Variants in ABCA4 observed in about 807,000 individuals in gnomAD.
The protein encoded by ABCA4 is retinal-specific phospholipid-transporting ATPase ABCA4.
In ABCA4, 196 loss-of-function variants were observed where a neutral mutation model predicts 263.7. The ratio of observed to expected loss-of-function variants is 0.74; its 90% CI spans 0.66 to 0.84. ABCA4 has a LOEUF of 0.84. ABCA4 is among the 40% of genes least tolerant of loss of function. The probability of loss-of-function intolerance (pLI) is 0.00; values close to 1 mark genes in which losing one functional copy is unlikely to be tolerated. For synonymous variants in ABCA4, 1,133 were observed against 1,094.2 expected, an observed-to-expected ratio of 1.04 and a Z score of -0.70; for missense variants, 2,792 against 2,855.1, an observed-to-expected ratio of 0.98 and a Z score of 0.50.
rs150015514 is a variant in ABCA4, at chr1:94,106,818, T to C, written c.442+1759A>G. Among the ~76,000 whole-genome samples the C allele has an allele frequency of 6.7e-3, 1,026 of 152,154 alleles. 12 individuals are homozygous for C. Among genetic ancestry groups the C allele is most frequent in the African/African-American group, 0.024 (976 of 41,488 alleles). On this transcript the variant is annotated intron_variant, in intron 4 of 49. Transcript: ENST00000370225. Reference sequence around the variant, plus strand: ...GAGGATCAGATTCTCCTCGGAGAAGTTTCCCCTGTTGACTCTCCTGTGCTC... The same window carrying C: ...GAGGATCAGATTCTCCTCGGAGAAGCTTCCCCTGTTGACTCTCCTGTGCTC...
intron 38 of ABCA4, among the ~76,000 whole-genome samples, chr1:94,013,065 A>C (rs146619625): frequency 1.3e-5 from 2 of 152,262 alleles, no homozygotes; most frequent in African/African-American, 4.8e-5. Context: ...CAGAGGGGAA[A>C]ATGTTCTGAG....
At chr1:94,095,450 T>C (rs1253214080) in intron 6 of ABCA4, among the ~76,000 whole-genome samples, 1 of 152,080 alleles carries the variant, frequency 6.6e-6, no homozygotes, top group Non-Finnish European at 1.5e-5. Context: ...TAAAACCTTA[T>C]TTATACACTG....
chr1:94,048,973 G>T lies in ABCA4; in HGVS notation c.2654-16C>A. 6.2e-7 allele frequency: 1 copy of T among 1,613,010 alleles called. No individual in the cohort carries two copies. The highest frequency in any genetic ancestry group is 8.5e-7 in the Non-Finnish European group (1 of 1,179,162). ...GTTGAACACCCTGCACCAATCAGAA[G>T]CCAGTGTTACTCTACCACCGGGAGC... On this transcript the variant is annotated splice_polypyrimidine_tract_variant and intron_variant, in intron 17 of 49. Coordinates refer to ENST00000370225, the MANE Select transcript of ABCA4 (RefSeq NM_000350.3).
In ABCA4 at chr1:94,055,463, T is replaced by G. The variant is rs1467219262; in HGVS notation, c.2383-148A>C. ...GGTCAGCTCAGGAGGGTGAAGGCAG[T>G]CTTTCCCTTGACGGCCAGGGGGAGT... On this transcript the variant is annotated intron_variant, in intron 15 of 49. Coordinates refer to ENST00000370225, the MANE Select transcript of ABCA4 (RefSeq NM_000350.3). The G allele has an allele frequency of 6.9e-6, 5 of 727,326 alleles. No individual in the cohort carries two copies. In the Admixed American group the frequency reaches 1.2e-4, roughly 17 times the overall value. The allele number at this position is 727,326 out of a possible 1,614,324, so 45.1% of individuals were successfully genotyped here. A position where few individuals can be genotyped will look rare whatever the true frequency, so the allele number is the denominator to read the frequency against.
rs1245239494 is a variant in ABCA4, at chr1:94,031,877, C to G, written c.4029G>C (p.Gln1343His). The G allele has an allele frequency of 6.2e-7, 1 of 1,614,096 alleles. No individual in the cohort carries two copies. The highest frequency in any genetic ancestry group is 1.1e-5 in the South Asian group (1 of 91,088). The part of the protein sequence containing the change: ...PPPEPECPGP[Q>H]LNTGTQLVLQ... ...GGACCAGCTGTGTCCCCGTGTTGAG[C>G]TGCGGGCCTGGGCACTCTGGCTCTG... Residue 1343 changes from glutamine (Q) to histidine (H), a missense_variant, in exon 27 of 50, where the codon CAG (glutamine) becomes CAC (histidine). By Grantham distance (24) the Gln-to-His change is conservative (BLOSUM62 0). Coordinates refer to ENST00000370225, the MANE Select transcript of ABCA4 (RefSeq NM_000350.3).
At chr1:94,118,203 G>A (rs903850151) in intron 1 of ABCA4, among the ~76,000 whole-genome samples, 5 of 152,094 alleles carry the variant, frequency 3.3e-5, no homozygotes, top group Admixed American at 1.3e-4. Context: ...GGAACTGTTC[G>A]GAGAGTTCAG....
At chr1:94,056,490 T>C in intron 15 of ABCA4, 111 bp downstream of exon 15, 1 of 1,207,436 alleles carries the variant, frequency 8.3e-7, no homozygotes, top group Non-Finnish European at 1.2e-6. Flanking sequence ...TTTTTAACCT[T>C]AGGTCAAAGG....
At position 94,099,421 on chromosome 1, in the gene ABCA4, T is replaced by C. The variant is rs145664532; in HGVS notation, c.571-430A>G. ...CTTTCAGACTTGTGACCTCCAGAAC[T>C]GTAAGATAATGCATCTGTGTTGTTT... On this transcript the variant is annotated intron_variant, in intron 5 of 49. Transcript: ENST00000370225. Among the ~76,000 whole-genome samples the C allele has an allele frequency of 3.0e-4, 45 of 152,350 alleles. 1 individual carries two copies. Among genetic ancestry groups the C allele is most frequent in the Middle Eastern group, 3.4e-3 (1 of 294 alleles).
intron 47 of ABCA4, among the ~76,000 whole-genome samples, chr1:93,998,590 G>A (rs1383420756): frequency 6.6e-6 from 1 of 152,116 alleles, no homozygotes; most frequent in African/African-American, 2.4e-5. Flanking sequence ...AACTAGGAGA[G>A]AAAAACCATG....
At chr1:94,102,888 A>G in intron 5 of ABCA4, 127 bp downstream of exon 5, 1 of 1,350,560 alleles carries the variant, frequency 7.4e-7, no homozygotes, top group South Asian at 1.2e-5. Context: ...AATACAAGGC[A>G]TTAAGTGATG....
At chr1:94,052,429 C>A (rs967209750) in intron 16 of ABCA4, among the ~76,000 whole-genome samples, 19 of 152,144 alleles carry the variant, frequency 1.2e-4, no homozygotes, top group African/African-American at 4.3e-4. Flanking sequence ...GCCTTTGCTG[C>A]CACTGGACTG....
chr1:94,099,005 A>G lies in ABCA4; in HGVS notation c.571-14T>C, dbSNP rs1409635034. On this transcript the variant is annotated splice_polypyrimidine_tract_variant and intron_variant, in intron 5 of 49. Coordinates refer to ENST00000370225, the MANE Select transcript of ABCA4 (RefSeq NM_000350.3). Reference sequence around the variant, plus strand: ...TCCATGAGCGAACTGCAGGGAGAAGAGGCAACACTAGAAACTGCCCTGTGG... The same window carrying G: ...TCCATGAGCGAACTGCAGGGAGAAGGGGCAACACTAGAAACTGCCCTGTGG... The G allele has an allele frequency of 6.3e-7, 1 of 1,599,194 alleles. No homozygotes were observed. The highest frequency in any genetic ancestry group is 1.1e-5 in the South Asian group (1 of 90,378).
At chr1:94,042,501 C>T (rs1660520163) in intron 22 of ABCA4, among the ~76,000 whole-genome samples, 1 of 152,184 alleles carries the variant, frequency 6.6e-6, no homozygotes, top group African/African-American at 2.4e-5. Context: ...TTATTCCAGA[C>T]AGAAGGGCTG....
Position 94,063,106 on chromosome 1 carries a change from C to T in ABCA4, c.1760+6G>A, listed in dbSNP as rs778788339. 6 of 1,611,752 alleles carry T rather than the reference C, an allele frequency of 3.7e-6. No homozygotes were observed. Among genetic ancestry groups the T allele is most frequent in the South Asian group, 3.3e-5 (3 of 90,992 alleles). On this transcript the variant is annotated splice_donor_region_variant and intron_variant, in intron 12 of 49. Coordinates refer to ENST00000370225, the MANE Select transcript of ABCA4 (RefSeq NM_000350.3). ...GAAATGCAGCGAGCCCTTCCTGAAA[C>T]ATCACCTGTCTTTAATCTTATTGGT...
At chr1:94,115,554 A>G (rs1662736281) in intron 1 of ABCA4, among the ~76,000 whole-genome samples, 2 of 152,116 alleles carry the variant, frequency 1.3e-5, no homozygotes, top group South Asian at 4.1e-4. Flanking sequence ...CATCTTAGCT[A>G]TGTGACCTTG....
Position 94,022,119 on chromosome 1 carries a change from T to C in ABCA4, c.4668-168A>G, listed in dbSNP as rs143619758. Reference sequence around the variant, plus strand: ...CTTTTAACTCTTTTCCCACTGCTGCTGCCTCCAGGAAGGAGTCCAAACCCT... The same window carrying C: ...CTTTTAACTCTTTTCCCACTGCTGCCGCCTCCAGGAAGGAGTCCAAACCCT... On this transcript the variant is annotated intron_variant, in intron 32 of 49. Coordinates refer to ENST00000370225, the MANE Select transcript of ABCA4 (RefSeq NM_000350.3). Among the ~76,000 whole-genome samples, 499 of 152,350 alleles carry C rather than the reference T, an allele frequency of 3.3e-3. 1 individual carries two copies. Among genetic ancestry groups the C allele is most frequent in the African/African-American group, 0.012 (479 of 41,572 alleles).
chr1:94,116,992 T>G (rs1282163533), intron 1 of ABCA4, among the ~76,000 whole-genome samples: 3 of 121,888 alleles, frequency 2.5e-5, no homozygotes, highest in African/African-American at 9.4e-5. Flanking sequence ...CTTTCTTTCT[T>G]TCTTTCTTTC....
At chr1:94,078,015 G>A (rs1661583791) in intron 10 of ABCA4, 128 bp from the exon 11 acceptor site, 2 of 882,942 alleles carry the variant, frequency 2.3e-6, no homozygotes, top group Non-Finnish European at 3.6e-6. Context: ...AAGAGCTGGT[G>A]AGCTTGTTCC....
intron 3 of ABCA4, among the ~76,000 whole-genome samples, chr1:94,111,116 C>T (rs1313637512): frequency 6.6e-6 from 1 of 152,198 alleles, no homozygotes; most frequent in African/African-American, 2.4e-5. Flanking sequence ...CAATGATTCA[C>T]TCCACCCAAG....
Sources: allele counts gnomAD v4.1 joint callset (sites outside exome capture counted in the v4.1 genomes callset), GRCh38; gene constraint gnomAD v4.1.1; transcripts MANE v1.5; gene names NCBI Gene and HGNC (gene_info 2026-07-23, HGNC 2026-07-21).